Variants in STXBP6 observed in about 807,000 individuals in gnomAD.
STXBP6 encodes syntaxin-binding protein 6.
Under a neutral mutation model 26.9 loss-of-function variants are expected in STXBP6, and 21 were observed. That is an observed-to-expected ratio of 0.78 (90% CI 0.55 to 1.12). The LOEUF is 1.12. Among genes scored for constraint, STXBP6 ranks in the 50% most tolerant of loss-of-function variants. The probability of loss-of-function intolerance (pLI) is 0.00; values close to 1 mark genes in which losing one functional copy is unlikely to be tolerated. For synonymous variants in STXBP6, 97 were observed against 92.6 expected, an observed-to-expected ratio of 1.05 and a Z score of -0.27; for missense variants, 232 against 257.9, an observed-to-expected ratio of 0.90 and a Z score of 0.69.
intron 4 of STXBP6, among the ~76,000 whole-genome samples, chr14:24,846,195 C>T (rs1566404827): frequency 1.3e-5 from 2 of 152,144 alleles, no homozygotes; most frequent in Non-Finnish European, 2.9e-5. Flanking sequence ...CTATCTTTCC[C>T]GCAAAATTAA....
chr14:24,902,337 A>C (rs1330793734), intron 2 of STXBP6, among the ~76,000 whole-genome samples: 1 of 152,190 alleles, frequency 6.6e-6, no homozygotes, highest in Non-Finnish European at 1.5e-5. Context: ...ATAGACATGG[A>C]ATGATAAGAT....
chr14:24,879,182 C>G (rs963015078), intron 2 of STXBP6, among the ~76,000 whole-genome samples: 1 of 152,104 alleles, frequency 6.6e-6, no homozygotes, highest in Non-Finnish European at 1.5e-5. Flanking sequence ...TTTATCATTC[C>G]TATCAAACAA....
chr14:24,819,490 G>T, intron 4 of STXBP6: 1 of 551,578 alleles, frequency 1.8e-6, no homozygotes, highest in Non-Finnish European at 3.2e-6. Context: ...AGGCTCAAAA[G>T]GATGGGGCCT....
chr14:24,853,281 C>T (rs2069218291), intron 4 of STXBP6, among the ~76,000 whole-genome samples: 1 of 152,000 alleles, frequency 6.6e-6, no homozygotes, highest in African/African-American at 2.4e-5. Context: ...TTTGAAGTCT[C>T]AGAAGTGTGA....
At chr14:24,948,035 T>C (rs1480376836) in intron 2 of STXBP6, among the ~76,000 whole-genome samples, 1 of 152,188 alleles carries the variant, frequency 6.6e-6, no homozygotes, top group East Asian at 1.9e-4. Flanking sequence ...GCAGTCTCCA[T>C]ATGCAGTATC....
At chr14:24,871,805 C>T (rs989829945) in intron 2 of STXBP6, among the ~76,000 whole-genome samples, 1 of 152,190 alleles carries the variant, frequency 6.6e-6, no homozygotes, top group African/African-American at 2.4e-5. Context: ...ATATCATTGC[C>T]TGGGACCATG....
At chr14:25,044,013 T>C in intron 1 of STXBP6, among the ~76,000 whole-genome samples, 1 of 150,808 alleles carries the variant, frequency 6.6e-6, no homozygotes, top group African/African-American at 2.4e-5. Context: ...CTACCAAAAA[T>C]AAAAAAAATT....
chr14:24,867,924 T>C (rs1428502708), intron 2 of STXBP6, among the ~76,000 whole-genome samples: 1 of 152,196 alleles, frequency 6.6e-6, no homozygotes, highest in Non-Finnish European at 1.5e-5. Context: ...CTGCCGGGCA[T>C]AGTTGTTCAT....
At chr14:24,993,074 T>C (rs1305235511) in intron 1 of STXBP6, among the ~76,000 whole-genome samples, 1 of 152,218 alleles carries the variant, frequency 6.6e-6, no homozygotes, top group Non-Finnish European at 1.5e-5. Flanking sequence ...TGATCTCTTC[T>C]CTTTGCACTC....
chr14:25,000,718 T>TTAAC (rs1370940452), intron 1 of STXBP6, among the ~76,000 whole-genome samples: 1 of 149,304 alleles, frequency 6.7e-6, no homozygotes, highest in Non-Finnish European at 1.5e-5. Flanking sequence ...AAGTTAGAGT[T>TTAAC]TAACATAGGA....
At chr14:25,044,170 CAA>C (rs768658907) in intron 1 of STXBP6, among the ~76,000 whole-genome samples, 23 of 53,322 alleles carry the variant, frequency 4.3e-4, no homozygotes, top group African/African-American at 1.4e-3. Flanking sequence ...GACTCTGCCT[CAA>C]AAAAAAAAAA....
In STXBP6 at chr14:24,812,318, C is replaced by T. The variant is rs934420407; in HGVS notation, c.*391G>A. 1 of 171,752 alleles carries T rather than the reference C, an allele frequency of 5.8e-6. No individual in the cohort carries two copies. Among genetic ancestry groups the T allele is most frequent in the South Asian group, 1.5e-4 (1 of 6,658 alleles). 10.6% of individuals were successfully genotyped at this position (171,752 alleles called of 1,614,324 possible). ...GTCACCACATTAAAATGCCTTCCTG[C>T]TTAATATCAGAGAAAAAAATACATG... On this transcript the variant is annotated 3_prime_UTR_variant, in exon 6 of 6. Coordinates refer to ENST00000323944, the MANE Select transcript of STXBP6 (RefSeq NM_001394410.1).
chr14:24,886,202 A>T (rs2139478966), intron 2 of STXBP6, among the ~76,000 whole-genome samples: 1 of 152,254 alleles, frequency 6.6e-6, no homozygotes, highest in South Asian at 2.1e-4. Context: ...GCTATTTCTG[A>T]TATTTTATTC....
chr14:25,006,375 C>G (rs1424146212), intron 1 of STXBP6, among the ~76,000 whole-genome samples: 1 of 152,202 alleles, frequency 6.6e-6, no homozygotes, highest in Non-Finnish European at 1.5e-5. Context: ...CCCTTCCAAG[C>G]TTTCTCTTGC....
At chr14:25,047,037 G>A (rs1455137881) in intron 1 of STXBP6, among the ~76,000 whole-genome samples, 10 of 152,168 alleles carry the variant, frequency 6.6e-5, no homozygotes, top group Non-Finnish European at 1.5e-4. Flanking sequence ...TGGGTAAGCT[G>A]TCCATTCGGA....
At chr14:25,031,887 C>G (rs1035509379) in intron 1 of STXBP6, among the ~76,000 whole-genome samples, 5 of 152,088 alleles carry the variant, frequency 3.3e-5, no homozygotes, top group African/African-American at 1.2e-4. Flanking sequence ...AGAAATATCC[C>G]GAGGTCACTC....
chr14:24,866,540 C>T (rs2069728928), intron 2 of STXBP6, among the ~76,000 whole-genome samples: 1 of 151,934 alleles, frequency 6.6e-6, no homozygotes, highest in African/African-American at 2.4e-5. Context: ...ATTCCATTTA[C>T]AAGAGTATTG....
At chr14:25,032,201 G>A (rs2075470654) in intron 1 of STXBP6, among the ~76,000 whole-genome samples, 1 of 152,190 alleles carries the variant, frequency 6.6e-6, no homozygotes, top group Non-Finnish European at 1.5e-5. Context: ...TCTGCAGAGA[G>A]AAAGCACTGC....
chr14:24,953,235 A>G (rs1456395458), intron 2 of STXBP6, among the ~76,000 whole-genome samples: 1 of 152,172 alleles, frequency 6.6e-6, no homozygotes, highest in Admixed American at 6.5e-5. Flanking sequence ...ATAAAGACAC[A>G]TGTGATGGCA....
Sources: allele counts gnomAD v4.1 joint callset (sites outside exome capture counted in the v4.1 genomes callset), GRCh38; gene constraint gnomAD v4.1.1; transcripts MANE v1.5; gene names NCBI Gene and HGNC (gene_info 2026-07-23, HGNC 2026-07-21).